MED12L: variants seen among roughly 807,000 people sequenced by gnomAD.
The protein encoded by MED12L is mediator complex subunit 12L, also known as mediator of RNA polymerase II transcription subunit 12-like protein.
In MED12L, 60 loss-of-function variants were observed where a neutral mutation model predicts 281.3. The ratio of observed to expected loss-of-function variants is 0.21; its 90% CI spans 0.17 to 0.26. MED12L has a LOEUF of 0.26. Ranked by LOEUF, MED12L falls within the 10% of genes least tolerant of loss-of-function variation. The pLI, the probability that MED12L is intolerant of heterozygous loss-of-function variation, is 1.00. For missense variants in MED12L, 2,146 were observed against 2,680.9 expected (o/e 0.80, Z 4.41); for synonymous variants, 974 against 987.2 (o/e 0.99, Z 0.25).
Position 151,327,956 on chromosome 3 carries a change from C to T in MED12L, c.2251-22103C>T, listed in dbSNP as rs575842008. The T allele has an allele frequency of 3.8e-5, 53 of 1,407,808 alleles. 1 individual carries two copies. The highest frequency in any genetic ancestry group is 3.7e-4 in the South Asian group (24 of 65,446). 87.2% of individuals were successfully genotyped at this position (1,407,808 alleles called of 1,614,324 possible). A position where few individuals can be genotyped will look rare whatever the true frequency, so the allele number is the denominator to read the frequency against. ...ATTTCCACATTATCTACGGAAGTCTCATCAATAAATAGAAGTTAACCCTAT... is the reference window on the plus strand; with the variant it reads ...ATTTCCACATTATCTACGGAAGTCTTATCAATAAATAGAAGTTAACCCTAT... On this transcript the variant is annotated intron_variant, in intron 16 of 44. Coordinates refer to ENST00000687756, the MANE Select transcript of MED12L (RefSeq NM_001393769.1).
At chr3:151,231,518 A>G (rs987440516) in intron 16 of MED12L, among the ~76,000 whole-genome samples, 2 of 152,244 alleles carry the variant, frequency 1.3e-5, no homozygotes, top group Non-Finnish European at 2.9e-5. Flanking sequence ...TGTATCAAAA[A>G]TCTTCAATGA....
At chr3:151,165,384 C>G in intron 9 of MED12L, 36 bp from the exon 10 acceptor site, 1 of 1,564,800 alleles carries the variant, frequency 6.4e-7, no homozygotes, top group Non-Finnish European at 8.8e-7. Flanking sequence ...CTGTGGCATT[C>G]CAAGCACAAG....
chr3:151,408,163 T>A (rs1408331253), intron 39 of MED12L, among the ~76,000 whole-genome samples: 1 of 152,214 alleles, frequency 6.6e-6, no homozygotes, highest in East Asian at 1.9e-4. Context: ...CTTAAGCTCT[T>A]TGAGCCTGGC....
Position 151,376,193 on chromosome 3 carries a change from G to A in MED12L, c.4032G>A (p.Gln1344=). The change falls in exon 28 of 45, where the codon CAG becomes CAA. Residue 1344 remains glutamine, a synonymous_variant. Transcript: ENST00000687756. Reference sequence around the variant, plus strand: ...CCGAGGGGGACAATCTGCAAAGACAGCACATTAAGCGTATTCTTCAGGTCA... The same window carrying A: ...CCGAGGGGGACAATCTGCAAAGACAACACATTAAGCGTATTCTTCAGGTCA... ...ECTEGDNLQR[Q]HIKRILQNLE... is the part of the protein sequence containing the mutation. 2 of 1,591,290 alleles carry A rather than the reference G, an allele frequency of 1.3e-6. No homozygotes were observed. Among genetic ancestry groups the A allele is most frequent in the South Asian group, 1.1e-5 (1 of 87,138 alleles).
At chr3:151,355,834 T>C (rs1219467123) in intron 18 of MED12L, 62 bp from the exon 19 acceptor site, 6 of 1,429,628 alleles carry the variant, frequency 4.2e-6, no homozygotes, top group African/African-American at 1.4e-5. Context: ...AAAAATGATT[T>C]ATCTTAGTAA....
In MED12L at chr3:151,159,888, T is replaced by C. The variant is rs200957429; in HGVS notation, c.894T>C (p.Cys298=). Residue 298 remains cysteine, a synonymous_variant, in exon 8 of 45, where the codon TGT becomes TGC. Transcript: ENST00000687756. ...TGTCTCGTCGTCTTGCCTACTTTTG[T>C]GCCCGGCGTCTTTCCTTGCTGCTGA... is the stretch of plus-strand genomic sequence containing the variant. ...AYLSRRLAYF[C]ARRLSLLLSD... The C allele has an allele frequency of 1.7e-5, 28 of 1,614,244 alleles. No homozygotes were observed. In the African/African-American group the frequency reaches 2.9e-4, roughly 17 times the overall value.
Position 151,345,953 on chromosome 3 carries a change from T to A in MED12L, c.2251-4106T>A, listed in dbSNP as rs148874456. 4.8e-3 allele frequency among the ~76,000 whole-genome samples: 733 copies of A among 152,288 alleles called. 26 individuals are homozygous for A. Among genetic ancestry groups the A allele is most frequent in the Admixed American group, 0.038 (587 of 15,294 alleles). ...ACCTAGCATGAGTTCCCTGAAAATA[T>A]TAATGCTAAGAAAGGAATACTGTCT... On this transcript the variant is annotated intron_variant, in intron 16 of 44. Coordinates refer to ENST00000687756, the MANE Select transcript of MED12L (RefSeq NM_001393769.1).
At chr3:151,262,674 GA>G (rs1361163053) in intron 16 of MED12L, among the ~76,000 whole-genome samples, 4 of 152,128 alleles carry the variant, frequency 2.6e-5, no homozygotes, top group African/African-American at 9.7e-5. Flanking sequence ...TAAAATCACC[GA>G]CAGATTTATT....
chr3:151,418,117 A>G (rs1184827896), intron 43 of MED12L, among the ~76,000 whole-genome samples: 2 of 152,188 alleles, frequency 1.3e-5, no homozygotes, highest in Non-Finnish European at 2.9e-5. Flanking sequence ...CCCTTTACCC[A>G]GATTTACTAA....
rs941165498 is a variant in MED12L at position 151,086,784 on chromosome 3, C to T, written c.-129-14C>T. 8 of 638,350 alleles carry T rather than the reference C, an allele frequency of 1.3e-5. No homozygotes were observed. Among genetic ancestry groups the T allele is most frequent in the Non-Finnish European group, 1.9e-5 (7 of 368,998 alleles). 39.5% of individuals were successfully genotyped at this position (638,350 alleles called of 1,614,324 possible). On this transcript the variant is annotated splice_polypyrimidine_tract_variant and intron_variant, in intron 1 of 44. Coordinates refer to ENST00000687756, the MANE Select transcript of MED12L (RefSeq NM_001393769.1). Reference sequence around the variant, plus strand: ...GCGGCAGCATCCAACCTGCTTTATTCCTCCTGCCTGCAGCGCCACAGCGAG... The same window carrying T: ...GCGGCAGCATCCAACCTGCTTTATTTCTCCTGCCTGCAGCGCCACAGCGAG...
chr3:151,406,299 G>T (rs1010844027), intron 39 of MED12L, among the ~76,000 whole-genome samples: 1 of 152,102 alleles, frequency 6.6e-6, no homozygotes, highest in Non-Finnish European at 1.5e-5. Flanking sequence ...AGTTATTAAA[G>T]AACTTATTCA....
At chr3:151,175,946 G>A (rs1184997814) in intron 11 of MED12L, among the ~76,000 whole-genome samples, 1 of 152,152 alleles carries the variant, frequency 6.6e-6, no homozygotes, top group Non-Finnish European at 1.5e-5. Flanking sequence ...GTTATTTGAA[G>A]GACCTTATTG....
chr3:151,309,471 CT>C (rs1375608764), intron 16 of MED12L, among the ~76,000 whole-genome samples: 6 of 152,152 alleles, frequency 3.9e-5, no homozygotes, highest in African/African-American at 1.4e-4. Flanking sequence ...TGATGAGGAC[CT>C]CCTGACCTGA....
chr3:151,189,385 A>G (rs1723679137), intron 13 of MED12L, among the ~76,000 whole-genome samples: 1 of 152,220 alleles, frequency 6.6e-6, no homozygotes, highest in Non-Finnish European at 1.5e-5. Context: ...AAAAGGAAGC[A>G]GAAAAGTGAA....
At chr3:151,300,096 C>T in intron 16 of MED12L, 2 of 1,607,546 alleles carry the variant, frequency 1.2e-6, no homozygotes, top group Non-Finnish European at 1.7e-6. Flanking sequence ...CAAGTTGAAC[C>T]CCATTCTTCA....
intron 2 of MED12L, 64 bp from the exon 3 acceptor site, chr3:151,116,274 A>C (rs1712802086): frequency 1.8e-6 from 2 of 1,120,516 alleles, no homozygotes; most frequent in Non-Finnish European, 2.6e-6. Flanking sequence ...CTTAGGATGC[A>C]ATATGTGGGA....
intron 16 of MED12L, among the ~76,000 whole-genome samples, chr3:151,298,990 T>C (rs1305756151): frequency 6.6e-6 from 1 of 152,200 alleles, no homozygotes; most frequent in East Asian, 1.9e-4. Context: ...ATGGAATACA[T>C]AGCTGTCTTG....
intron 1 of MED12L, 199 bp from the exon 2 acceptor site, chr3:151,086,599 A>T (rs551099688): frequency 1.0e-5 from 2 of 198,380 alleles, no homozygotes; most frequent in African/African-American, 4.7e-5. Context: ...CTCCCCCTGG[A>T]GACAAGGTAG....
chr3:151,199,457 A>C, intron 16 of MED12L: 5 of 1,311,842 alleles, frequency 3.8e-6, no homozygotes, highest in Non-Finnish European at 5.2e-6. Context: ...AGAAACAAGG[A>C]AAGGGAGGTT....
Sources: gnomAD v4.1 joint callset for allele counts (sites outside exome capture counted in the v4.1 genomes callset) on GRCh38, gnomAD v4.1.1 for gene constraint, MANE v1.5 for transcripts, NCBI Gene and HGNC (gene_info 2026-07-23, HGNC 2026-07-21) for gene names.